The following SEMA4D variants were observed in gnomAD, a reference collection of about 807,000 sequenced individuals.
The protein encoded by SEMA4D is semaphorin-4D.
SEMA4D carries 22 observed loss-of-function variants against 74.8 expected under a neutral mutation model. The ratio of observed to expected loss-of-function variants is 0.29; its 90% CI spans 0.21 to 0.42. The LOEUF (loss-of-function observed/expected upper bound fraction) is 0.42. Among genes scored for constraint, SEMA4D ranks in the 10% least tolerant of loss-of-function variants. SEMA4D has a pLI of 1.00. For synonymous variants in SEMA4D, 445 were observed against 463.7 expected, an observed-to-expected ratio of 0.96 and a Z score of 0.52; for missense variants, 937 against 1,118.4, an observed-to-expected ratio of 0.84 and a Z score of 2.31.
chr9:89,372,531 C>T (rs1202284556), downstream of SEMA4D, among the ~76,000 whole-genome samples: 4 of 151,874 alleles, frequency 2.6e-5, no homozygotes, highest in African/African-American at 7.3e-5. Context: ...CCAGGGCCAA[C>T]GCGGTGCAGG....
chr9:89,434,107 C>T (rs760180667), intron 2 of SEMA4D, among the ~76,000 whole-genome samples: 2 of 152,252 alleles, frequency 1.3e-5, no homozygotes, highest in Non-Finnish European at 2.9e-5. Context: ...CACATTGTCT[C>T]CAGCTGTTCA....
At chr9:89,486,060 T>G (rs1267121217) in intron 1 of SEMA4D, among the ~76,000 whole-genome samples, 1 of 152,184 alleles carries the variant, frequency 6.6e-6, no homozygotes, top group Non-Finnish European at 1.5e-5. Context: ...TATAACAAGG[T>G]CACCATGAAC....
chr9:89,439,020 C>T (rs1233193408), intron 2 of SEMA4D, among the ~76,000 whole-genome samples: 5 of 126,890 alleles, frequency 3.9e-5, no homozygotes, highest in African/African-American at 1.2e-4. Context: ...CTCGCTCTAT[C>T]GCCCAGGCTG....
chr9:89,386,247 G>C, intron 13 of SEMA4D, 120 bp downstream of exon 13: 5 of 1,011,010 alleles, frequency 4.9e-6, no homozygotes, highest in Non-Finnish European at 5.7e-6. Context: ...GGCTCACCCA[G>C]GGCAGACAGA....
At chr9:89,482,406 G>A (rs111913133) in intron 1 of SEMA4D, among the ~76,000 whole-genome samples, 506 of 152,292 alleles carry the variant, frequency 3.3e-3, no homozygotes, top group African/African-American at 0.011. Context: ...GTTTACACAG[G>A]CATCAGCAAC....
At chr9:89,444,435 T>C (rs1445057176) in intron 2 of SEMA4D, among the ~76,000 whole-genome samples, 1 of 152,142 alleles carries the variant, frequency 6.6e-6, no homozygotes, top group Non-Finnish European at 1.5e-5. Flanking sequence ...CTGCAGCCGC[T>C]ACTGACGGGA....
intron 2 of SEMA4D, among the ~76,000 whole-genome samples, chr9:89,422,723 C>T (rs966353482): frequency 2.0e-5 from 3 of 152,206 alleles, no homozygotes; most frequent in African/African-American, 7.2e-5. Flanking sequence ...CAGCAGTACC[C>T]GGCCAAGAAT....
intron 1 of SEMA4D, among the ~76,000 whole-genome samples, chr9:89,460,191 C>T (rs1856884159): frequency 6.6e-6 from 1 of 152,204 alleles, no homozygotes; most frequent in African/African-American, 2.4e-5. Flanking sequence ...CTTCTCCAGG[C>T]CCCTTGGGTC....
At chr9:89,472,274 G>C in intron 1 of SEMA4D, 1 of 374,304 alleles carries the variant, frequency 2.7e-6, no homozygotes, top group South Asian at 2.4e-5. Context: ...AAAGTCCTTC[G>C]CAATTTCTGA....
At chr9:89,490,413 T>G (rs1023766667) in intron 1 of SEMA4D, among the ~76,000 whole-genome samples, 1 of 152,234 alleles carries the variant, frequency 6.6e-6, no homozygotes, top group Admixed American at 6.5e-5. Flanking sequence ...ATTTATGATT[T>G]TTTGGCTTTA....
At chr9:89,453,421 C>G (rs1855110729) in intron 2 of SEMA4D, among the ~76,000 whole-genome samples, 1 of 152,256 alleles carries the variant, frequency 6.6e-6, no homozygotes, top group Admixed American at 6.5e-5. Context: ...CTGGCTCCCC[C>G]AGACAGATGT....
At chr9:89,395,346 C>G (rs984928118) in intron 6 of SEMA4D, among the ~76,000 whole-genome samples, 2 of 151,950 alleles carry the variant, frequency 1.3e-5, no homozygotes, top group African/African-American at 4.8e-5. Context: ...ATCGCTTGAA[C>G]CCAGGAGATG....
chr9:89,370,721 G>T (rs1834454703), intron 16 of SEMA4D, among the ~76,000 whole-genome samples: 1 of 148,600 alleles, frequency 6.7e-6, no homozygotes, highest in Non-Finnish European at 1.5e-5. Flanking sequence ...AGTCTATGTA[G>T]TTTGTGGGGT....
intron 2 of SEMA4D, among the ~76,000 whole-genome samples, chr9:89,425,486 G>C (rs1458989762): frequency 6.6e-6 from 1 of 152,224 alleles, no homozygotes; most frequent in East Asian, 1.9e-4. Flanking sequence ...AGCAGCACGT[G>C]GCCCTGACAT....
chr9:89,369,177 T>C (rs1202377543), intron 16 of SEMA4D: 2 of 152,208 alleles, frequency 1.3e-5, no homozygotes, highest in Non-Finnish European at 2.9e-5. Flanking sequence ...AAGGGAAATG[T>C]CACAGAGCAG....
At chr9:89,415,180 C>T (rs1845452265) in intron 2 of SEMA4D, among the ~76,000 whole-genome samples, 1 of 152,020 alleles carries the variant, frequency 6.6e-6, no homozygotes, top group Non-Finnish European at 1.5e-5. Context: ...ACTGTCTTTT[C>T]TGGAGGGTGT....
At chr9:89,385,021 G>A (rs530936516) in intron 13 of SEMA4D, 1 of 985,382 alleles carries the variant, frequency 1.0e-6, no homozygotes, top group Non-Finnish European at 1.2e-6. Flanking sequence ...TGGTCCAGTA[G>A]GACCAGCAAG....
At chr9:89,481,714 A>T (rs552644876) in intron 1 of SEMA4D, among the ~76,000 whole-genome samples, 87 of 152,336 alleles carry the variant, frequency 5.7e-4, no homozygotes, top group African/African-American at 2.0e-3. Flanking sequence ...ACGCACGAGG[A>T]TGTGCTGCAG....
Position 89,492,025 on chromosome 9 carries a change from C to T in SEMA4D, c.-310+5894G>A, listed in dbSNP as rs552511815. ...TCCTTCTCTTCAGGATGCAACCCTTCCAAGCGGGCCTCCCTCAGCCCTATC... is the reference window on the plus strand; with the variant it reads ...TCCTTCTCTTCAGGATGCAACCCTTTCAAGCGGGCCTCCCTCAGCCCTATC... On this transcript the variant is annotated intron_variant, in intron 1 of 15. Transcript: ENST00000422704. The surrounding 1 kb of genome is among the most constrained non-coding windows in gnomAD (Gnocchi z 4.3). Among the ~76,000 whole-genome samples, 75 of 152,336 alleles carry T rather than the reference C, an allele frequency of 4.9e-4. No homozygotes were observed. The highest frequency in any genetic ancestry group is 6.8e-3 in the Middle Eastern group (2 of 294).
Sources: gnomAD v4.1 joint callset for allele counts (sites outside exome capture counted in the v4.1 genomes callset) on GRCh38, gnomAD v4.1.1 for gene constraint, Gnocchi (gnomAD v3.1) non-coding constraint, MANE v1.5 for transcripts, NCBI Gene and HGNC (gene_info 2026-07-23, HGNC 2026-07-21) for gene names.